Variants in CHIC1 observed in about 807,000 individuals in gnomAD.
CHIC1 encodes cysteine-rich hydrophobic domain-containing protein 1.
In CHIC1, 7 loss-of-function variants were observed where a neutral mutation model predicts 18.5. The ratio of observed to expected loss-of-function variants is 0.38; its 90% CI spans 0.22 to 0.71. The LOEUF is 0.71. Ranked by LOEUF, CHIC1 falls within the 30% of genes least tolerant of loss-of-function variation. The pLI is 0.49. For missense variants in CHIC1, 159 were observed against 176.9 expected (o/e 0.90, Z 0.57); for synonymous variants, 77 against 73.5 (o/e 1.05, Z -0.25).
At chrX:73,627,038 G>A (rs904137813) in intron 3 of CHIC1, among the ~76,000 whole-genome samples, 7 of 107,901 alleles carry the variant, frequency 6.5e-5, no homozygotes, top group Admixed American at 4.0e-4. Context: ...TGTGGTTTTT[G>A]CAGACTCGTA....
intron 3 of CHIC1, among the ~76,000 whole-genome samples, chrX:73,608,748 T>G (rs2057694189): frequency 9.2e-6 from 1 of 108,990 alleles, no homozygotes; most frequent in South Asian, 3.8e-4. Flanking sequence ...CCTGTGACAT[T>G]GCTCATTTTT....
intron 3 of CHIC1, among the ~76,000 whole-genome samples, chrX:73,655,114 T>G (rs2057935389): frequency 9.1e-6 from 1 of 110,070 alleles, no homozygotes; most frequent in South Asian, 3.9e-4. Flanking sequence ...GTCTGTGTGT[T>G]CTCATCATTC....
chrX:73,582,442 G>A (rs1406408580), intron 2 of CHIC1, among the ~76,000 whole-genome samples: 1 of 108,567 alleles, frequency 9.2e-6, no homozygotes, highest in African/African-American at 3.4e-5. Context: ...TTGGTACCTT[G>A]TTTTTAGAAA....
intron 3 of CHIC1, among the ~76,000 whole-genome samples, chrX:73,637,546 A>G (rs2057836898): frequency 9.1e-6 from 1 of 109,811 alleles, no homozygotes; most frequent in African/African-American, 3.3e-5. Context: ...GTCCCTGCTC[A>G]TTTTTCTTCA....
intron 2 of CHIC1, among the ~76,000 whole-genome samples, chrX:73,579,848 A>C (rs1165742184): frequency 9.0e-6 from 1 of 110,767 alleles, no homozygotes; most frequent in African/African-American, 3.3e-5. Flanking sequence ...ATATATCTTG[A>C]ATAATAGTGT....
intron 3 of CHIC1, among the ~76,000 whole-genome samples, chrX:73,589,817 G>A (rs2057572540): frequency 9.0e-6 from 1 of 110,897 alleles, no homozygotes. Context: ...TTGGTTGTCT[G>A]GGAATTTCTT....
At chrX:73,645,302 A>G (rs2057883726) in intron 3 of CHIC1, among the ~76,000 whole-genome samples, 1 of 112,006 alleles carries the variant, frequency 8.9e-6, no homozygotes, top group Non-Finnish European at 1.9e-5. Context: ...TTCTTTATTC[A>G]TTAGTCCATT....
At chrX:73,600,729 G>A (rs1368051180) in intron 3 of CHIC1, among the ~76,000 whole-genome samples, 2 of 107,050 alleles carry the variant, frequency 1.9e-5, no homozygotes, top group East Asian at 5.8e-4. Flanking sequence ...TGCTGGATTC[G>A]TTTTGCCAGT....
In CHIC1 at chrX:73,671,579, C is replaced by T. The variant is rs760838491; in HGVS notation, c.508-7747C>T. ...TTGAAGCTCTCTATTGTATCTTTAA[C>T]GTCATTCATTGAATTCTTCAGTTCT... On this transcript the variant is annotated intron_variant, in intron 3 of 5. Transcript: ENST00000373502. 1.2e-4 allele frequency among the ~76,000 whole-genome samples: 13 copies of T among 111,092 alleles called. 1 individual carries two copies. The highest frequency in any genetic ancestry group is 2.9e-4 in the Admixed American group (3 of 10,432).
intron 1 of CHIC1, among the ~76,000 whole-genome samples, chrX:73,568,613 C>T (rs1434346588): frequency 9.0e-6 from 1 of 110,927 alleles, no homozygotes. Flanking sequence ...AAAAATATTA[C>T]ATCACATGAG....
At chrX:73,641,696 G>T (rs868656698) in intron 3 of CHIC1, among the ~76,000 whole-genome samples, 7 of 107,115 alleles carry the variant, frequency 6.5e-5, no homozygotes, top group South Asian at 4.2e-4. Flanking sequence ...AGTCCCCAGA[G>T]TGTGATGTTC....
chrX:73,671,033 T>C (rs57721118), intron 3 of CHIC1, among the ~76,000 whole-genome samples: 3,734 of 112,079 alleles, frequency 0.033, 157 homozygotes, highest in African/African-American at 0.11. Context: ...ATTTGGTCTA[T>C]AGTGCAGTTT....
At chrX:73,650,064 G>T (rs1440508774) in intron 3 of CHIC1, among the ~76,000 whole-genome samples, 1 of 112,321 alleles carries the variant, frequency 8.9e-6, no homozygotes, top group Non-Finnish European at 1.9e-5. Context: ...CATGGAAATT[G>T]AAAAACCTGT....
chrX:73,609,311 T>C (rs781471613), intron 3 of CHIC1, among the ~76,000 whole-genome samples: 2 of 108,955 alleles, frequency 1.8e-5, no homozygotes, highest in Non-Finnish European at 3.8e-5. Context: ...CTTTTACTAT[T>C]TATTATGATA....
chrX:73,566,259 A>G (rs1239393881), intron 1 of CHIC1, among the ~76,000 whole-genome samples: 1 of 109,720 alleles, frequency 9.1e-6, no homozygotes, highest in Non-Finnish European at 1.9e-5. Context: ...TCCCTACTCC[A>G]GTCCATCCTG....
chrX:73,638,464 G>A (rs1461949820), intron 3 of CHIC1, among the ~76,000 whole-genome samples: 3 of 111,329 alleles, frequency 2.7e-5, no homozygotes, highest in Admixed American at 1.9e-4. Flanking sequence ...GTGGGGTAAG[G>A]CAAGGAGAGA....
intron 3 of CHIC1, among the ~76,000 whole-genome samples, chrX:73,663,353 G>A (rs1343204443): frequency 9.0e-6 from 1 of 111,229 alleles, no homozygotes; most frequent in African/African-American, 3.3e-5. Flanking sequence ...GATCTTGAGA[G>A]AGCCATGTCA....
At chrX:73,610,744 C>T (rs1265684144) in intron 3 of CHIC1, among the ~76,000 whole-genome samples, 2 of 108,401 alleles carry the variant, frequency 1.8e-5, no homozygotes, top group Non-Finnish European at 3.8e-5. Flanking sequence ...TAAATTACTG[C>T]TTCAATCTCA....
At chrX:73,659,370 C>CTTTTT (rs149705423) in intron 3 of CHIC1, among the ~76,000 whole-genome samples, 273 of 34,878 alleles carry the variant, frequency 7.8e-3, no homozygotes, top group Admixed American at 0.011. Context: ...TTCCCCTTTT[C>CTTTTT]TTTTTTTTTT....
Sources: allele counts gnomAD v4.1 joint callset (sites outside exome capture counted in the v4.1 genomes callset), GRCh38; gene constraint gnomAD v4.1.1; transcripts MANE v1.5; gene names NCBI Gene and HGNC (gene_info 2026-07-23, HGNC 2026-07-21).